The following CSGALNACT1 variants were observed in gnomAD, a reference collection of about 807,000 sequenced individuals.
CSGALNACT1 encodes the protein chondroitin sulfate N-acetylgalactosaminyltransferase 1, also known as beta4GalNAcT-1.
CSGALNACT1 carries 52 observed loss-of-function variants against 51.0 expected under a neutral mutation model. The ratio of observed to expected loss-of-function variants is 1.02; its 90% confidence interval spans 0.82 to 1.29. The LOEUF is 1.29. Among genes scored for constraint, CSGALNACT1 ranks in the 50% most tolerant of loss-of-function variants. The pLI, the probability that CSGALNACT1 is intolerant of heterozygous loss-of-function variation, is 0.00. For synonymous variants in CSGALNACT1, 341 were observed against 254.4 expected (o/e 1.34, Z -3.24); for missense variants, 935 against 679.2 (o/e 1.38, Z -4.19).
chr8:19,707,876 C>G (rs2062266982), intron 1 of CSGALNACT1, among the ~76,000 whole-genome samples: 1 of 152,180 alleles, frequency 6.6e-6, no homozygotes, highest in South Asian at 2.1e-4. Context: ...TGGCGCATGC[C>G]TGTAGTCCCA....
At chr8:19,667,012 AAAGAAAGG>A (rs1384902857) in intron 1 of CSGALNACT1, among the ~76,000 whole-genome samples, 64 of 34,366 alleles carry the variant, frequency 1.9e-3, no homozygotes, top group Non-Finnish European at 2.3e-3. Context: ...AGAAAGAAAG[AAAGAAAGG>A]AAGGAAGGAA....
At chr8:19,452,566 T>A (rs898324298) in intron 5 of CSGALNACT1, among the ~76,000 whole-genome samples, 2 of 152,090 alleles carry the variant, frequency 1.3e-5, no homozygotes, top group Admixed American at 6.6e-5. Context: ...CTCCCCCACA[T>A]CCCACAGAAG....
intron 7 of CSGALNACT1, 40 bp downstream of exon 6, chr8:19,420,300 G>T (rs781585363): frequency 1.0e-5 from 16 of 1,602,316 alleles, no homozygotes; most frequent in Non-Finnish European, 1.3e-5. Context: ...GCCCGAGAGG[G>T]CTGGGGGCCA....
At chr8:19,493,057 G>GAA (rs71205928) in intron 4 of CSGALNACT1, among the ~76,000 whole-genome samples, 60 of 141,406 alleles carry the variant, frequency 4.2e-4, no homozygotes, top group African/African-American at 1.5e-3. Flanking sequence ...TTCTTTTTTT[G>GAA]AAAAAAAAAA....
intron 5 of CSGALNACT1, among the ~76,000 whole-genome samples, chr8:19,452,130 A>C (rs974018787): frequency 6.6e-6 from 1 of 152,262 alleles, no homozygotes; most frequent in African/African-American, 2.4e-5. Context: ...GTGGAGACCA[A>C]GGAAAGAAAT....
At position 19,644,697 on chromosome 8, in the gene CSGALNACT1, G is replaced by A. The variant is rs548860184; in HGVS notation, c.-544+37776C>T. Among the ~76,000 whole-genome samples the A allele has an allele frequency of 4.6e-3, 544 of 117,902 alleles. 1 individual carries two copies. Among genetic ancestry groups the A allele is most frequent in the Middle Eastern group, 0.016 (2 of 124 alleles). The allele number at this position is 117,902 out of a possible 152,430, so 77.3% of individuals were successfully genotyped here. On this transcript the variant is annotated intron_variant, in intron 1 of 9. Transcript: ENST00000332246. ...TGCACTCCAGCCTGGGTAACAGAGC[G>A]AGACTCCGTCTCAAAAAAAAAAAAA...
chr8:19,505,998 C>G, exon 4 of CSGALNACT1: 1 of 756,680 alleles, frequency 1.3e-6, no homozygotes, highest in Non-Finnish European at 2.3e-6. Context: ...GAGTTAACCA[C>G]CACACAGAGC....
At chr8:19,511,633 G>T (rs1462743583) in intron 3 of CSGALNACT1, among the ~76,000 whole-genome samples, 1 of 152,082 alleles carries the variant, frequency 6.6e-6, no homozygotes, top group African/African-American at 2.4e-5. Flanking sequence ...GCCCTCAATG[G>T]TCCCTGCCTC....
In CSGALNACT1 at chr8:19,734,470, C is replaced by T. The variant is rs1462950248; in HGVS notation, c.-297+23380G>A. On this transcript the variant is annotated intron_variant, in intron 1 of 1. Transcript: ENST00000517494. ...ATCAAGCTGTGCCTATACTTCCTTT[C>T]TCTGTCCATATATATTGCCTGCGCA... Among the ~76,000 whole-genome samples, 3 of 152,230 alleles carry T rather than the reference C, an allele frequency of 2.0e-5. No homozygotes were observed. In the East Asian group the frequency reaches 5.8e-4, roughly 29 times the overall value.
intron 4 of CSGALNACT1, among the ~76,000 whole-genome samples, chr8:19,488,685 T>C (rs1355013814): frequency 3.3e-5 from 5 of 152,078 alleles, no homozygotes; most frequent in African/African-American, 7.2e-5. Flanking sequence ...ATTACTAACA[T>C]TTTATTGGGC....
intron 1 of CSGALNACT1, among the ~76,000 whole-genome samples, chr8:19,649,915 G>C (rs2057648401): frequency 7.3e-6 from 1 of 136,598 alleles, no homozygotes; most frequent in Non-Finnish European, 1.5e-5. Flanking sequence ...AAATTTTTCT[G>C]GTAGGGAATA....
intron 3 of CSGALNACT1, among the ~76,000 whole-genome samples, chr8:19,587,340 G>A (rs2046874075): frequency 6.6e-6 from 1 of 152,152 alleles, no homozygotes; most frequent in South Asian, 2.1e-4. Context: ...GCAAAACTTG[G>A]AATCAGATTT....
At chr8:19,465,686 G>C (rs2066509310) in intron 4 of CSGALNACT1, among the ~76,000 whole-genome samples, 1 of 152,170 alleles carries the variant, frequency 6.6e-6, no homozygotes, top group Admixed American at 6.5e-5. Context: ...CTGTCTTAGA[G>C]CTTTAAACTC....
At chr8:19,659,307 C>G (rs2058564968) in intron 1 of CSGALNACT1, among the ~76,000 whole-genome samples, 1 of 152,198 alleles carries the variant, frequency 6.6e-6, no homozygotes, top group East Asian at 1.9e-4. Flanking sequence ...ATTGGTCACT[C>G]TTGATTTCAA....
intron 3 of CSGALNACT1, among the ~76,000 whole-genome samples, chr8:19,574,743 T>A (rs527869627): frequency 6.6e-6 from 1 of 152,006 alleles, no homozygotes; most frequent in Non-Finnish European, 1.5e-5. Flanking sequence ...CTTAAAATCC[T>A]CTCTCCGGCC....
chr8:19,688,388 G>A (rs527592658), intron 1 of CSGALNACT1, among the ~76,000 whole-genome samples: 1 of 152,280 alleles, frequency 6.6e-6, no homozygotes, highest in South Asian at 2.1e-4. Context: ...CAAAATGGTA[G>A]ACAAGTGGCC....
chr8:19,627,392 C>T (rs28853697), intron 1 of CSGALNACT1, among the ~76,000 whole-genome samples: 21,680 of 151,926 alleles, frequency 0.14, 2,406 homozygotes, highest in African/African-American at 0.31. Flanking sequence ...GAAAAGAGGG[C>T]GTAACTATAA....
chr8:19,613,691 A>G (rs1166827767), intron 1 of CSGALNACT1, among the ~76,000 whole-genome samples: 2 of 152,248 alleles, frequency 1.3e-5, no homozygotes, highest in Admixed American at 6.5e-5. Context: ...GTTTAAGACC[A>G]TAATCAGCCC....
rs147928077 is a variant in CSGALNACT1 at position 19,469,442 on chromosome 8, A to AAGG, written c.635-10803_635-10801dup. Among the ~76,000 whole-genome samples the AAGG allele has an allele frequency of 2.2e-3, 333 of 152,284 alleles. 3 individuals are homozygous for AAGG. Among genetic ancestry groups the AAGG allele is most frequent in the Admixed American group, 0.02 (301 of 15,290 alleles). On this transcript the variant is annotated intron_variant, in intron 4 of 9. Coordinates refer to ENST00000454498, the Ensembl canonical transcript of CSGALNACT1. ...AAAGAAATAGCCCTCTGGATGGGGC[A>AAGG]AGGAGGAGACCATCCACAGGTAGTC...
Sources: gnomAD v4.1 joint callset for allele counts (sites outside exome capture counted in the v4.1 genomes callset) on GRCh38, gnomAD v4.1.1 for gene constraint, MANE v1.5 for transcripts, NCBI Gene and HGNC (gene_info 2026-07-23, HGNC 2026-07-21) for gene names.